LOC128092253: variants seen among roughly 807,000 people sequenced by gnomAD.
the LOC128092253 span, among the ~76,000 whole-genome samples, chr6:133,976,166 T>C: frequency 3.9e-5 from 6 of 152,210 alleles, no homozygotes; most frequent in Non-Finnish European, 7.3e-5. Flanking sequence ...TCAGTGAAAA[T>C]AGGTGGCTTT....
chr6:133,964,847 A>C, the LOC128092253 span, among the ~76,000 whole-genome samples: 1 of 152,334 alleles, frequency 6.6e-6, no homozygotes, highest in South Asian at 2.1e-4. Context: ...CAGGTTGTCT[A>C]TGCTAGAGCA....
At chr6:133,956,807 A>G in the LOC128092253 span, among the ~76,000 whole-genome samples, 1 of 152,220 alleles carries the variant, frequency 6.6e-6, no homozygotes, top group Non-Finnish European at 1.5e-5. Flanking sequence ...AACAATAAAG[A>G]TAATGGTGGA....
the LOC128092253 span, among the ~76,000 whole-genome samples, chr6:133,972,906 A>G: frequency 1.3e-5 from 2 of 152,186 alleles, no homozygotes; most frequent in South Asian, 2.1e-4. Flanking sequence ...ATTATCACCA[A>G]TTTATAGATG....
the LOC128092253 span, among the ~76,000 whole-genome samples, chr6:133,955,790 T>TA: frequency 2.0e-5 from 3 of 152,206 alleles, no homozygotes; most frequent in Admixed American, 2.0e-4. Flanking sequence ...ATTCTTATTC[T>TA]AAAAAAATTA....
chr6:133,962,586 G>A, the LOC128092253 span, among the ~76,000 whole-genome samples: 3 of 152,132 alleles, frequency 2.0e-5, no homozygotes, highest in Non-Finnish European at 2.9e-5. Context: ...TGTATGTGTC[G>A]ATTTTAATAG....
the LOC128092253 span, among the ~76,000 whole-genome samples, chr6:133,967,925 A>G: frequency 6.6e-6 from 1 of 152,196 alleles, no homozygotes. Context: ...ACAGACAAAT[A>G]TATGGATTTA....
the LOC128092253 span, among the ~76,000 whole-genome samples, chr6:133,966,868 T>G: frequency 6.6e-6 from 1 of 152,220 alleles, no homozygotes; most frequent in Admixed American, 6.5e-5. Context: ...TGGACTGCTG[T>G]GCTACCCATT....
At chr6:133,973,186 T>G in the LOC128092253 span, among the ~76,000 whole-genome samples, 1 of 152,342 alleles carries the variant, frequency 6.6e-6, no homozygotes, top group South Asian at 2.1e-4. Context: ...GATGTGAGGT[T>G]ACTTTGAATG....
At chr6:133,979,810 C>T in the LOC128092253 span, among the ~76,000 whole-genome samples, 759 of 152,134 alleles carry the variant, frequency 5.0e-3, 10 homozygotes, top group African/African-American at 0.017. Flanking sequence ...TCATGCCCGG[C>T]TAATTTTTGT....
the LOC128092253 span, among the ~76,000 whole-genome samples, chr6:133,972,102 GA>G: frequency 6.6e-6 from 1 of 152,164 alleles, no homozygotes; most frequent in African/African-American, 2.4e-5. Context: ...AGAGTCATCT[GA>G]AATTGTATCT....
chr6:133,972,249 A>C, the LOC128092253 span, among the ~76,000 whole-genome samples: 1 of 152,348 alleles, frequency 6.6e-6, no homozygotes, highest in African/African-American at 2.4e-5. Context: ...TCTTCTAACA[A>C]AATTAACAGT....
the LOC128092253 span, among the ~76,000 whole-genome samples, chr6:133,972,526 T>G: frequency 6.6e-6 from 1 of 152,224 alleles, no homozygotes; most frequent in South Asian, 2.1e-4. Flanking sequence ...AGGCTTGTGG[T>G]TCATTTGGTT....
the LOC128092253 span, among the ~76,000 whole-genome samples, chr6:133,972,118 G>A: frequency 0.079 from 11,994 of 152,180 alleles, 459 homozygotes; most frequent in Non-Finnish European, 0.086. Context: ...GTATCTCAAT[G>A]TATTTGTTAC....
At chr6:133,968,486 G>A in the LOC128092253 span, among the ~76,000 whole-genome samples, 1 of 152,022 alleles carries the variant, frequency 6.6e-6, no homozygotes, top group South Asian at 2.1e-4. Context: ...ATTATTGTTA[G>A]CATTCACTAA....
chr6:133,969,831 T>C, the LOC128092253 span, among the ~76,000 whole-genome samples: 123 of 152,350 alleles, frequency 8.1e-4, no homozygotes, highest in Middle Eastern at 3.4e-3. Flanking sequence ...GAGTTCAGAA[T>C]TGATGATAAT....
chr6:133,968,163 AT>A, the LOC128092253 span, among the ~76,000 whole-genome samples: 1 of 151,860 alleles, frequency 6.6e-6, no homozygotes. Context: ...TAATTTTTGT[AT>A]TTTTAGTAGG....
At chr6:133,963,031 G>A in the LOC128092253 span, among the ~76,000 whole-genome samples, 2 of 152,208 alleles carry the variant, frequency 1.3e-5, no homozygotes, top group Non-Finnish European at 2.9e-5. Context: ...GAGTAGGAGG[G>A]AGTTTAAAGT....
chr6:133,967,255 G>A, the LOC128092253 span, among the ~76,000 whole-genome samples: 1 of 152,200 alleles, frequency 6.6e-6, no homozygotes, highest in Non-Finnish European at 1.5e-5. Context: ...GAATGAAGGT[G>A]ATGCTCAGCT....
At chr6:133,953,534 G>A in the LOC128092253 span, 4,315 of 152,102 alleles carry the variant, frequency 0.028, 101 homozygotes, top group Non-Finnish European at 0.042. Context: ...GCCCGGGCCA[G>A]ACTTGGGGTG....
Sources: allele counts gnomAD v4.1 joint callset (sites outside exome capture counted in the v4.1 genomes callset), GRCh38; gene constraint gnomAD v4.1.1; transcripts MANE v1.5.